The following ZFAT variants were observed in gnomAD, a reference collection of about 807,000 sequenced individuals.
ZFAT encodes the protein zinc finger and AT-hook domain containing.
Under a neutral mutation model 117.7 loss-of-function variants are expected in ZFAT, and 64 were observed. That is an observed-to-expected ratio of 0.54 (90% confidence interval 0.44 to 0.67). ZFAT has a LOEUF of 0.67. ZFAT is among the 30% of genes least tolerant of loss of function. ZFAT has a pLI of 0.00. For synonymous variants in ZFAT, 679 were observed against 615.0 expected, an observed-to-expected ratio of 1.10 and a Z score of -1.54; for missense variants, 1,433 against 1,584.5, an observed-to-expected ratio of 0.90 and a Z score of 1.62.
At chr8:134,508,446 T>G (rs1491000452) in intron 15 of ZFAT, among the ~76,000 whole-genome samples, 1 of 152,234 alleles carries the variant, frequency 6.6e-6, no homozygotes, top group Admixed American at 6.5e-5. Context: ...CGTCTCCTTT[T>G]TGTTTTCTGT....
the ZFAT span, among the ~76,000 whole-genome samples, chr8:134,807,031 C>T: frequency 1.3e-5 from 2 of 152,154 alleles, no homozygotes; most frequent in Non-Finnish European, 2.9e-5. Context: ...TTACTTTTAA[C>T]ACATTTTTAT....
chr8:134,586,185 C>T (rs1826056643), intron 9 of ZFAT, among the ~76,000 whole-genome samples: 1 of 152,192 alleles, frequency 6.6e-6, no homozygotes, highest in Admixed American at 6.5e-5. Context: ...TGCCAGGATA[C>T]AGCAGCCTTT....
At chr8:134,507,420 G>A (rs1819497424) in intron 15 of ZFAT, among the ~76,000 whole-genome samples, 3 of 151,974 alleles carry the variant, frequency 2.0e-5, no homozygotes, top group African/African-American at 4.8e-5. Context: ...AGCGAGGTGC[G>A]GGGCCAGGCA....
chr8:134,482,654 G>A (rs1259199542), intron 15 of ZFAT, among the ~76,000 whole-genome samples: 2 of 152,146 alleles, frequency 1.3e-5, no homozygotes, highest in Admixed American at 6.5e-5. Context: ...AGCCTCCAGG[G>A]TTTGTCCAAC....
At chr8:134,545,903 A>G (rs1822657334) in intron 11 of ZFAT, among the ~76,000 whole-genome samples, 1 of 152,236 alleles carries the variant, frequency 6.6e-6, no homozygotes, top group Non-Finnish European at 1.5e-5. Flanking sequence ...CAATAAGAAA[A>G]GTAAAGAAAG....
Position 134,601,857 on chromosome 8 carries a change from C to G in ZFAT, c.1862G>C (p.Arg621Thr), listed in dbSNP as rs770142238. 1 of 1,612,540 alleles carries G rather than the reference C, an allele frequency of 6.2e-7. No individual in the cohort carries two copies. The highest frequency in any genetic ancestry group is 8.5e-7 in the Non-Finnish European group (1 of 1,179,010). Reference protein sequence around the residue: ...APEKPPDMQHRSSVQTQGEVI... With the variant: ...APEKPPDMQHTSSVQTQGEVI... ...TTCACCTTGCGTCTGGACTGAGCTT[C>G]TGTGCTGCATGTCTGGGGGCTTCTC... The change falls in exon 6 of 16, where the codon AGA (arginine) becomes ACA (threonine). Residue 621 changes from arginine to threonine, a missense_variant. By Grantham distance (71) the Arg-to-Thr change is moderately conservative (BLOSUM62 -1). Coordinates refer to ENST00000377838, the MANE Select transcript of ZFAT (RefSeq NM_020863.4).
chr8:134,533,116 C>A (rs1316193200), intron 11 of ZFAT, 144 bp from the exon 12 acceptor site: 2 of 1,302,604 alleles, frequency 1.5e-6, no homozygotes, highest in Non-Finnish European at 2.1e-6. Context: ...GGGAAAACCA[C>A]TAGGGCAGGA....
intron 12 of ZFAT, among the ~76,000 whole-genome samples, chr8:134,526,854 T>C (rs1028924001): frequency 6.6e-5 from 10 of 152,078 alleles, no homozygotes; most frequent in Non-Finnish European, 1.0e-4. Flanking sequence ...TTTTTTATTT[T>C]TTTTTGAGAT....
rs184735344 is a variant in ZFAT at position 134,678,466 on chromosome 8, C to A, written c.20-20729G>T. Among the ~76,000 whole-genome samples, 12 of 152,036 alleles carry A rather than the reference C, an allele frequency of 7.9e-5. No individual in the cohort carries two copies. In the East Asian group the frequency reaches 2.3e-3, roughly 29 times the overall value. On this transcript the variant is annotated intron_variant, in intron 1 of 15. Transcript: ENST00000377838. ...GAGGACACAAACAAATGGAAAAATGCTCATGGATAGGAAGAATCAATATTG... is the reference window on the plus strand; with the variant it reads ...GAGGACACAAACAAATGGAAAAATGATCATGGATAGGAAGAATCAATATTG...
rs34008545 is a variant in ZFAT, at chr8:134,602,185, G to A, written c.1534C>T (p.Leu512=). 2.3e-3 allele frequency: 3,672 copies of A among 1,613,502 alleles called. 69 individuals carry two copies. In the African/African-American group the frequency reaches 0.04, roughly 18 times the overall value. ...TCCACCAGCTGTAGCTGGTCCCCCA[G>A]AGCTTCTTGCTGGATGTCCCCACCA... ...EPGGDIQQEA[L]GDQLQLVEEE... The change falls in exon 6 of 16, where the codon CTG becomes TTG. Residue 512 remains leucine (L), a synonymous_variant. Coordinates refer to ENST00000377838, the MANE Select transcript of ZFAT (RefSeq NM_020863.4).
intron 1 of ZFAT, among the ~76,000 whole-genome samples, chr8:134,690,972 A>G (rs1833556144): frequency 6.6e-6 from 1 of 152,198 alleles, no homozygotes; most frequent in South Asian, 2.1e-4. Flanking sequence ...TTTGTTCATG[A>G]GAATAATTTT....
chr8:134,817,394 T>TCTACACACAC, the ZFAT span, among the ~76,000 whole-genome samples: 2 of 125,980 alleles, frequency 1.6e-5, no homozygotes, highest in African/African-American at 3.0e-5. Context: ...TCTCTCTCTC[T>TCTACACACAC]ACACACACAC....
intron 13 of ZFAT, among the ~76,000 whole-genome samples, chr8:134,519,674 T>A (rs181105182): frequency 1.5e-3 from 235 of 152,372 alleles, no homozygotes; most frequent in African/African-American, 4.6e-3. Flanking sequence ...GGTCTCCATC[T>A]GCTTTGTCTG....
intron 10 of ZFAT, among the ~76,000 whole-genome samples, chr8:134,573,079 T>C (rs909091250): frequency 3.3e-5 from 5 of 152,204 alleles, no homozygotes; most frequent in African/African-American, 9.7e-5. Context: ...CAGTAAGTAG[T>C]TACCTCTGGG....
intron 13 of ZFAT, among the ~76,000 whole-genome samples, chr8:134,517,603 T>C (rs924378182): frequency 3.3e-5 from 5 of 152,204 alleles, no homozygotes; most frequent in African/African-American, 1.2e-4. Flanking sequence ...AATTAAACAA[T>C]AGGCTTTCTC....
intron 1 of ZFAT, among the ~76,000 whole-genome samples, chr8:134,688,873 C>G (rs1280123946): frequency 2.0e-5 from 3 of 152,192 alleles, no homozygotes; most frequent in Non-Finnish European, 4.4e-5. Flanking sequence ...CCCATTTGTT[C>G]ATGAGACGTG....
the ZFAT span, among the ~76,000 whole-genome samples, chr8:134,755,784 C>T: frequency 7.1e-6 from 1 of 140,384 alleles, no homozygotes. Flanking sequence ...TGCACTCCAG[C>T]CTGGGCGACA....
the ZFAT span, among the ~76,000 whole-genome samples, chr8:134,775,057 G>A: frequency 1.3e-5 from 2 of 152,220 alleles, no homozygotes; most frequent in Non-Finnish European, 2.9e-5. Context: ...AGCAGAGTTT[G>A]CAGTGAGCTG....
At chr8:134,534,295 A>G (rs1223230753) in intron 11 of ZFAT, among the ~76,000 whole-genome samples, 1 of 152,220 alleles carries the variant, frequency 6.6e-6, no homozygotes, top group African/African-American at 2.4e-5. Flanking sequence ...CTTACTGTGC[A>G]TCTGGAAGCT....
Sources: allele counts gnomAD v4.1 joint callset (sites outside exome capture counted in the v4.1 genomes callset), GRCh38; gene constraint gnomAD v4.1.1; transcripts MANE v1.5; gene names NCBI Gene and HGNC (gene_info 2026-07-23, HGNC 2026-07-21).